The following SLC4A4 variants were observed in gnomAD, a reference collection of about 807,000 sequenced individuals.
SLC4A4 encodes the protein electrogenic sodium bicarbonate cotransporter 1.
In SLC4A4, 27 loss-of-function variants were observed where a neutral mutation model predicts 111.5. The observed-to-expected ratio is 0.24, with a 90% CI of 0.18 to 0.33. The LOEUF (loss-of-function observed/expected upper bound fraction) is 0.33. Ranked by LOEUF, SLC4A4 falls within the 10% of genes least tolerant of loss-of-function variation. The probability of loss-of-function intolerance (pLI) is 1.00; values close to 1 mark genes in which losing one functional copy is unlikely to be tolerated. For synonymous variants in SLC4A4, 443 were observed against 463.4 expected (o/e 0.96, Z 0.57); for missense variants, 909 against 1,315.5 (o/e 0.69, Z 4.78).
chr4:71,186,480 A>G (rs1745452900), upstream of SLC4A4, among the ~76,000 whole-genome samples: 1 of 152,202 alleles, frequency 6.6e-6, no homozygotes, highest in African/African-American at 2.4e-5. Flanking sequence ...AGCTGGACCT[A>G]GGACCCAGCC....
intron 15 of SLC4A4, among the ~76,000 whole-genome samples, chr4:71,496,118 A>G (rs1015190283): frequency 4.6e-5 from 7 of 152,150 alleles, no homozygotes; most frequent in African/African-American, 1.7e-4. Flanking sequence ...TAAAATGTTC[A>G]GGCAGAGAAT....
intron 1 of SLC4A4, among the ~76,000 whole-genome samples, chr4:71,190,531 A>G (rs1017053967): frequency 6.6e-6 from 1 of 152,126 alleles, no homozygotes; most frequent in Non-Finnish European, 1.5e-5. Flanking sequence ...TGCATTTGGT[A>G]GTCTCAGCAG....
intron 18 of SLC4A4, among the ~76,000 whole-genome samples, chr4:71,543,320 A>G (rs544556244): frequency 6.6e-6 from 1 of 152,180 alleles, no homozygotes; most frequent in South Asian, 2.1e-4. Flanking sequence ...GTAGAGGCAG[A>G]CCAGGTAGGG....
At chr4:71,159,531 T>G (rs28633476) in intron 2 of SLC4A4, among the ~76,000 whole-genome samples, 96,148 of 151,862 alleles carry the variant, frequency 0.63, 35,839 homozygotes, top group Non-Finnish European at 0.83. Flanking sequence ...ACCTGGCTAA[T>G]TTTTGTATTT....
At chr4:71,434,789 G>A (rs1161709558) in intron 7 of SLC4A4, among the ~76,000 whole-genome samples, 1 of 152,006 alleles carries the variant, frequency 6.6e-6, no homozygotes, top group African/African-American at 2.4e-5. Context: ...GACAAATAGA[G>A]AGCCAAATCA....
At chr4:71,210,823 A>G (rs1718094122) in intron 1 of SLC4A4, among the ~76,000 whole-genome samples, 2 of 152,186 alleles carry the variant, frequency 1.3e-5, no homozygotes, top group African/African-American at 2.4e-5. Context: ...TTCATTTTTT[A>G]TGTCATCAGT....
chr4:71,236,990 A>G (rs1335086233), intron 2 of SLC4A4, among the ~76,000 whole-genome samples: 3 of 152,242 alleles, frequency 2.0e-5, no homozygotes, highest in Non-Finnish European at 4.4e-5. Context: ...CTCGATTTAT[A>G]TAAATATATT....
intron 1 of SLC4A4, among the ~76,000 whole-genome samples, chr4:71,205,606 A>G (rs1043876817): frequency 6.6e-6 from 1 of 152,164 alleles, no homozygotes; most frequent in African/African-American, 2.4e-5. Flanking sequence ...CATTACTGAA[A>G]CTGGGGCATA....
At chr4:71,440,828 C>A in intron 8 of SLC4A4, 55 bp downstream of exon 8, 1 of 1,576,836 alleles carries the variant, frequency 6.3e-7, no homozygotes, top group South Asian at 1.1e-5. Flanking sequence ...TATCTCCTCC[C>A]ATTCAGGCTG....
At chr4:71,121,978 C>A (rs1308243300) in intron 2 of SLC4A4, among the ~76,000 whole-genome samples, 2 of 152,006 alleles carry the variant, frequency 1.3e-5, no homozygotes, top group African/African-American at 4.8e-5. Flanking sequence ...GACGCGCTTC[C>A]TTAAGAGCTG....
chr4:71,510,200 A>C lies in SLC4A4; in HGVS notation c.2166+12508A>C, dbSNP rs560331540. Among the ~76,000 whole-genome samples, 9 of 152,214 alleles carry C rather than the reference A, an allele frequency of 5.9e-5. No individual in the cohort carries two copies. The South Asian group carries it at 1.9e-3, about 32-fold the overall frequency. The stretch of plus-strand genomic sequence containing the variant: ...AGTTTGTCTTTTTGTCATAATAATA[A>C]ATCTTCCTTGATTCTGAGCCAATCC... On this transcript the variant is annotated intron_variant, in intron 16 of 25. Coordinates refer to ENST00000264485, the MANE Select transcript of SLC4A4 (RefSeq NM_001098484.3).
chr4:71,190,878 T>C (rs948523404), intron 1 of SLC4A4, among the ~76,000 whole-genome samples: 2 of 152,224 alleles, frequency 1.3e-5, no homozygotes, highest in African/African-American at 2.4e-5. Context: ...AATGTCTTAC[T>C]TGATGCTGAA....
chr4:71,296,188 A>T (rs1724774256), intron 3 of SLC4A4, among the ~76,000 whole-genome samples: 1 of 152,176 alleles, frequency 6.6e-6, no homozygotes, highest in African/African-American at 2.4e-5. Flanking sequence ...AGTATAAACA[A>T]TATGGAAAAT....
chr4:71,115,653 T>G (rs1325277831), intron 2 of SLC4A4, among the ~76,000 whole-genome samples: 1 of 152,312 alleles, frequency 6.6e-6, no homozygotes, highest in East Asian at 1.9e-4. Context: ...TTTTGTTATT[T>G]TTACAAATTG....
intron 1 of SLC4A4, among the ~76,000 whole-genome samples, chr4:71,063,592 T>G (rs4694088): frequency 0.67 from 101,783 of 151,872 alleles, 35,468 homozygotes; most frequent in East Asian, 0.83. Context: ...AATAAAGTTA[T>G]ATTAGAAAAT....
chr4:71,375,432 G>A (rs1732260190), intron 6 of SLC4A4, among the ~76,000 whole-genome samples: 1 of 152,158 alleles, frequency 6.6e-6, no homozygotes, highest in African/African-American at 2.4e-5. Context: ...CCTTTATCCT[G>A]AATGATTTTT....
intron 3 of SLC4A4, among the ~76,000 whole-genome samples, chr4:71,320,481 A>G (rs182280241): frequency 6.6e-6 from 1 of 152,054 alleles, no homozygotes; most frequent in East Asian, 1.9e-4. Flanking sequence ...ATACATTTCT[A>G]TAACTGAATC....
intron 3 of SLC4A4, among the ~76,000 whole-genome samples, chr4:71,302,871 ATACTC>A (rs1435800826): frequency 6.6e-6 from 1 of 152,244 alleles, no homozygotes; most frequent in Non-Finnish European, 1.5e-5. Flanking sequence ...ATCAAAGTCT[ATACTC>A]TACCCAAGTA....
chr4:71,111,408 C>T (rs1743081320), intron 2 of SLC4A4, among the ~76,000 whole-genome samples: 1 of 151,888 alleles, frequency 6.6e-6, no homozygotes, highest in South Asian at 2.1e-4. Context: ...GTCACCCAGG[C>T]TGGAGTGCAA....
Sources: gnomAD v4.1 joint callset for allele counts (sites outside exome capture counted in the v4.1 genomes callset) on GRCh38, gnomAD v4.1.1 for gene constraint, MANE v1.5 for transcripts, NCBI Gene and HGNC (gene_info 2026-07-23, HGNC 2026-07-21) for gene names.